The following LSAMP variants were observed in gnomAD, a reference collection of about 807,000 sequenced individuals.
LSAMP encodes the protein limbic system associated membrane protein.
Under a neutral mutation model 38.6 loss-of-function variants are expected in LSAMP, and 7 were observed. The observed-to-expected ratio is 0.18, with a 90% CI of 0.10 to 0.34. LSAMP has a LOEUF of 0.34. Among genes scored for constraint, LSAMP ranks in the 10% least tolerant of loss-of-function variants. LSAMP has a pLI of 1.00. For synonymous variants in LSAMP, 154 were observed against 166.8 expected (o/e 0.92, Z 0.59); for missense variants, 313 against 420.0 (o/e 0.75, Z 2.23).
chr3:116,251,305 T>C (rs935880232), intron 1 of LSAMP, among the ~76,000 whole-genome samples: 10 of 152,196 alleles, frequency 6.6e-5, no homozygotes, highest in African/African-American at 2.2e-4. Context: ...AATTCCTAAT[T>C]CAGCCACAAA....
chr3:115,961,072 G>T (rs1327065772), intron 3 of LSAMP, among the ~76,000 whole-genome samples: 2 of 152,192 alleles, frequency 1.3e-5, no homozygotes, highest in Non-Finnish European at 1.5e-5. Flanking sequence ...AGCTTAACGA[G>T]GTAAGGGAGC....
At chr3:116,354,949 A>G (rs2107770349) in intron 1 of LSAMP, among the ~76,000 whole-genome samples, 1 of 152,032 alleles carries the variant, frequency 6.6e-6, no homozygotes, top group African/African-American at 2.4e-5. Flanking sequence ...TGTATATCAA[A>G]TGGCATGACT....
chr3:116,149,603 G>A (rs973954390), intron 1 of LSAMP, among the ~76,000 whole-genome samples: 1 of 109,714 alleles, frequency 9.1e-6, no homozygotes, highest in Non-Finnish European at 1.9e-5. Flanking sequence ...ATTCTACTTA[G>A]TTGTTGCCTA....
intron 1 of LSAMP, among the ~76,000 whole-genome samples, chr3:116,263,431 G>T (rs568959910): frequency 2.6e-5 from 4 of 151,910 alleles, no homozygotes; most frequent in African/African-American, 7.2e-5. Context: ...CCAGCTACTC[G>T]GGAGGCTGAG....
intron 1 of LSAMP, among the ~76,000 whole-genome samples, chr3:116,410,767 G>A (rs981844089): frequency 3.9e-5 from 6 of 151,978 alleles, no homozygotes; most frequent in Non-Finnish European, 5.9e-5. Context: ...TCAGTAACTC[G>A]CCAGGAGAGA....
At chr3:116,175,785 G>GA (rs1710324451) in intron 1 of LSAMP, among the ~76,000 whole-genome samples, 1 of 151,956 alleles carries the variant, frequency 6.6e-6, no homozygotes, top group Non-Finnish European at 1.5e-5. Flanking sequence ...GATGATTTGT[G>GA]AAAAAGACAT....
At chr3:116,393,229 G>C (rs1341936796) in intron 1 of LSAMP, among the ~76,000 whole-genome samples, 1 of 152,122 alleles carries the variant, frequency 6.6e-6, no homozygotes, top group Non-Finnish European at 1.5e-5. Flanking sequence ...CCTTCAGAGA[G>C]CCCAGACCTA....
intron 1 of LSAMP, among the ~76,000 whole-genome samples, chr3:116,409,044 T>C (rs1027275982): frequency 1.3e-5 from 2 of 152,028 alleles, no homozygotes; most frequent in African/African-American, 2.4e-5. Flanking sequence ...AGAGATCATA[T>C]TGGCTCCTAG....
chr3:116,163,651 C>T (rs1709957126), intron 1 of LSAMP, among the ~76,000 whole-genome samples: 2 of 152,044 alleles, frequency 1.3e-5, no homozygotes, highest in African/African-American at 2.4e-5. Context: ...GGAATCGCCA[C>T]ACTGAATTCC....
At chr3:115,810,541 T>C (rs1933790564) in intron 6 of LSAMP, 127 bp from the exon 7 acceptor site, 2 of 702,136 alleles carry the variant, frequency 2.8e-6, no homozygotes, top group Non-Finnish European at 5.1e-6. Flanking sequence ...GTTACTGCAC[T>C]TATGTGCAGC....
intron 1 of LSAMP, among the ~76,000 whole-genome samples, chr3:116,430,166 C>A (rs554351721): frequency 6.6e-6 from 1 of 152,186 alleles, no homozygotes; most frequent in South Asian, 2.1e-4. Context: ...AGATGAAAGG[C>A]CTAAATAGAT....
chr3:115,815,232 T>G (rs1249964589), intron 6 of LSAMP, among the ~76,000 whole-genome samples: 1 of 152,192 alleles, frequency 6.6e-6, no homozygotes, highest in Non-Finnish European at 1.5e-5. Context: ...AGTTAATCTC[T>G]TACGGGGCCT....
At chr3:116,234,298 A>G (rs956626235) in intron 1 of LSAMP, among the ~76,000 whole-genome samples, 3 of 152,202 alleles carry the variant, frequency 2.0e-5, no homozygotes, top group Non-Finnish European at 2.9e-5. Flanking sequence ...GTTAGGAGAA[A>G]GAAGAAAGAA....
chr3:116,121,034 A>AG (rs1708863932), intron 1 of LSAMP, among the ~76,000 whole-genome samples: 1 of 152,318 alleles, frequency 6.6e-6, no homozygotes, highest in Non-Finnish European at 1.5e-5. Context: ...CACTCAGACT[A>AG]GGGGCAATGT....
At chr3:115,820,397 A>T (rs1934192729) in intron 6 of LSAMP, among the ~76,000 whole-genome samples, 1 of 152,204 alleles carries the variant, frequency 6.6e-6, no homozygotes, top group Non-Finnish European at 1.5e-5. Flanking sequence ...ACACTGGGAG[A>T]TTCTAGTATA....
intron 1 of LSAMP, among the ~76,000 whole-genome samples, chr3:116,225,903 A>G (rs1335840895): frequency 1.3e-5 from 2 of 152,164 alleles, no homozygotes; most frequent in East Asian, 3.9e-4. Flanking sequence ...ATCTTCCAAC[A>G]TCTAAAAGAA....
At chr3:116,166,917 A>G (rs1284224713) in intron 1 of LSAMP, among the ~76,000 whole-genome samples, 2 of 150,888 alleles carry the variant, frequency 1.3e-5, no homozygotes, top group East Asian at 3.9e-4. Flanking sequence ...CAGCCTCCCA[A>G]GTAGCTAGGA....
At chr3:116,221,162 A>AAAAAAAAC (rs2046280426) in intron 1 of LSAMP, among the ~76,000 whole-genome samples, 1 of 151,172 alleles carries the variant, frequency 6.6e-6, no homozygotes, top group Non-Finnish European at 1.5e-5. Flanking sequence ...AAAAAAAAAA[A>AAAAAAAAC]AAAAAAAAGG....
chr3:116,390,499 A>T (rs559358086), intron 1 of LSAMP, among the ~76,000 whole-genome samples: 1 of 152,098 alleles, frequency 6.6e-6, no homozygotes, highest in Admixed American at 6.5e-5. Flanking sequence ...GTATAACAGC[A>T]TGGTGCAGTT....
Sources: allele counts gnomAD v4.1 joint callset (sites outside exome capture counted in the v4.1 genomes callset), GRCh38; gene constraint gnomAD v4.1.1; transcripts MANE v1.5; gene names NCBI Gene and HGNC (gene_info 2026-07-23, HGNC 2026-07-21).